NHLRC3: variants seen among roughly 807,000 people sequenced by gnomAD.
The protein encoded by NHLRC3 is NHL repeat containing 3.
Under a neutral mutation model 32.0 loss-of-function variants are expected in NHLRC3, and 23 were observed. The ratio of observed to expected loss-of-function variants is 0.72; its 90% CI spans 0.52 to 1.02. The LOEUF is 1.02. NHLRC3 is among the 50% of genes least tolerant of loss of function. The probability of loss-of-function intolerance (pLI) is 0.00; values close to 1 mark genes in which losing one functional copy is unlikely to be tolerated. For missense variants in NHLRC3, 407 were observed against 406.8 expected (o/e 1.00, Z -0.01); for synonymous variants, 159 against 147.9 (o/e 1.08, Z -0.55).
chr13:39,047,092 C>T lies in NHLRC3; in HGVS notation c.731C>T (p.Thr244Ile). 6.2e-7 allele frequency: 1 copy of T among 1,613,274 alleles called. No homozygotes were observed. Among genetic ancestry groups the T allele is most frequent in the Non-Finnish European group, 8.5e-7 (1 of 1,179,478 alleles). Residue 244 changes from threonine (T) to isoleucine (I), a missense_variant, in exon 6 of 7, where the codon ACT becomes ATT. Coordinates refer to ENST00000379600, the MANE Select transcript of NHLRC3 (RefSeq NM_001012754.4). ...NKRIQVFDKDTGEWLGAWNNC... is the reference protein window; with the variant it reads ...NKRIQVFDKDIGEWLGAWNNC... Reference sequence around the variant, plus strand: ...AGAATCCAAGTATTTGATAAAGACACTGGGGAGTGGTTAGGAGCATGGAAT... The same window carrying T: ...AGAATCCAAGTATTTGATAAAGACATTGGGGAGTGGTTAGGAGCATGGAAT...
Position 39,048,718 on chromosome 13 carries a change from C to T in NHLRC3, c.*792C>T, listed in dbSNP as rs1241500242. 1 of 152,114 alleles carries T rather than the reference C, an allele frequency of 6.6e-6. No homozygotes were observed. Among genetic ancestry groups the T allele is most frequent in the Non-Finnish European group, 1.5e-5 (1 of 68,012 alleles). The allele number at this position is 152,114 out of a possible 1,614,324, so 9.4% of individuals were successfully genotyped here. A position where few individuals can be genotyped will look rare whatever the true frequency, so the allele number is the denominator to read the frequency against. On this transcript the variant is annotated 3_prime_UTR_variant, in exon 7 of 7. Transcript: ENST00000379600. The stretch of plus-strand genomic sequence containing the variant: ...TTTAAAGCCCAACTTGGCTTCTGTC[C>T]ATTACCTATAAGATATTTAATGTCA...
chr13:39,039,039 C>G (rs1029910617), intron 1 of NHLRC3, 97 bp from the exon 2 acceptor site: 7 of 963,686 alleles, frequency 7.3e-6, no homozygotes, highest in Non-Finnish European at 1.1e-5. Context: ...GTTGTCAAGG[C>G]ATGCTTAAAA....
intron 2 of NHLRC3, 86 bp downstream of exon 2, chr13:39,039,374 TTA>T (rs1378995193): frequency 8.5e-7 from 1 of 1,183,262 alleles, no homozygotes; most frequent in Non-Finnish European, 1.2e-6. Flanking sequence ...CCATATGCGT[TTA>T]TATCATGCTA....
rs1871839659 is a variant in NHLRC3 at position 39,049,887 on chromosome 13, CAG to C, written c.*1964_*1965del. The C allele has an allele frequency of 1.3e-5, 2 of 152,178 alleles. No homozygotes were observed. The highest frequency in any genetic ancestry group is 1.9e-4 in the East Asian group (1 of 5,196). 9.4% of individuals were successfully genotyped at this position (152,178 alleles called of 1,614,324 possible). A position where few individuals can be genotyped will look rare whatever the true frequency, so the allele number is the denominator to read the frequency against. ...CGTTTTATTTTACTTTGTTTTATAT[CAG>C]AGTCTTATAAAACCTGCTGCAAATA... On this transcript the variant is annotated 3_prime_UTR_variant, in exon 7 of 7. Transcript: ENST00000379600.
At chr13:39,044,232 T>TGGGTGTGG in intron 5 of NHLRC3, 51 bp downstream of exon 5, 4 of 522,468 alleles carry the variant, frequency 7.7e-6, no homozygotes, top group South Asian at 2.3e-5. Flanking sequence ...AATATGTTTG[T>TGGGTGTGG]GTGTGTGTGT....
At chr13:39,043,251 A>G (rs1490735506) in intron 4 of NHLRC3, among the ~76,000 whole-genome samples, 2 of 152,220 alleles carry the variant, frequency 1.3e-5, no homozygotes, top group East Asian at 1.9e-4. Flanking sequence ...AATCTAGGAG[A>G]CAGATTGAAT....
chr13:39,047,231 GT>G, intron 6 of NHLRC3, 79 bp downstream of exon 6: 1 of 767,848 alleles, frequency 1.3e-6, no homozygotes, highest in African/African-American at 1.8e-5. Context: ...CTAGCTGAAA[GT>G]TTAAAATATT....
chr13:39,049,839 A>G lies in NHLRC3; in HGVS notation c.*1913A>G, dbSNP rs1261221224. 2 of 152,260 alleles carry G rather than the reference A, an allele frequency of 1.3e-5. No individual in the cohort carries two copies. The highest frequency in any genetic ancestry group is 4.8e-5 in the African/African-American group (2 of 41,468). The allele number at this position is 152,260 out of a possible 1,614,324, so 9.4% of individuals were successfully genotyped here. ...CTCTTTGAAGCAATTCAGGCTAGGT[A>G]AACCGATTTTGCCATTTCAAAACGT... On this transcript the variant is annotated 3_prime_UTR_variant, in exon 7 of 7. Transcript: ENST00000379600.
chr13:39,039,665 C>T lies in NHLRC3; in HGVS notation c.339C>T (p.Ala113=), dbSNP rs1871375828. The stretch of plus-strand genomic sequence containing the variant: ...ACACACCTCATGGTATATTTGCAGC[C>T]AGTACTCTATATGAACAATCCGTCT... ...TVDTPHGIFA[A]STLYEQSVWI... The change falls in exon 3 of 7, where the codon GCC becomes GCT. Residue 113 remains alanine (A), a synonymous_variant. Transcript: ENST00000379600. The T allele has an allele frequency of 6.2e-7, 1 of 1,612,694 alleles. No homozygotes were observed. Among genetic ancestry groups the T allele is most frequent in the Admixed American group, 1.7e-5 (1 of 59,988 alleles).
chr13:39,038,846 C>A (rs974326181), intron 1 of NHLRC3, 123 bp downstream of exon 1: 22 of 843,264 alleles, frequency 2.6e-5, no homozygotes, highest in Non-Finnish European at 2.6e-5. Context: ...TCAAAGCCTG[C>A]ACCTGGGTCC....
chr13:39,046,297 T>C (rs1038266368), intron 5 of NHLRC3, among the ~76,000 whole-genome samples: 9 of 152,088 alleles, frequency 5.9e-5, no homozygotes, highest in East Asian at 3.9e-4. Context: ...CCAGCCTGGG[T>C]GACAGAGCGA....
chr13:39,046,257 T>A (rs912981393), intron 5 of NHLRC3, among the ~76,000 whole-genome samples: 1 of 152,114 alleles, frequency 6.6e-6, no homozygotes, highest in Admixed American at 6.5e-5. Flanking sequence ...AGGCGGAGCT[T>A]GCAGTGAGCC....
intron 4 of NHLRC3, 79 bp from the exon 5 acceptor site, chr13:39,044,011 T>C (rs1871562282): frequency 9.8e-7 from 1 of 1,020,772 alleles, no homozygotes; most frequent in Non-Finnish European, 1.5e-6. Flanking sequence ...AATAGTTCTT[T>C]GTAACCTGTT....
At chr13:39,044,230 T>TGTGGGTGTGG (rs779866655) in intron 5 of NHLRC3, 49 bp downstream of exon 5, 5 of 279,458 alleles carry the variant, frequency 1.8e-5, no homozygotes, top group African/African-American at 7.7e-5. Flanking sequence ...TGAATATGTT[T>TGTGGGTGTGG]GTGTGTGTGT....
chr13:39,046,189 G>A (rs553573167), intron 5 of NHLRC3, among the ~76,000 whole-genome samples: 2 of 152,242 alleles, frequency 1.3e-5, no homozygotes, highest in South Asian at 4.1e-4. Context: ...GTGGTGGCGG[G>A]CGCCTGTAGT....
At chr13:39,043,357 G>A (rs769377360) in intron 4 of NHLRC3, among the ~76,000 whole-genome samples, 10 of 152,204 alleles carry the variant, frequency 6.6e-5, no homozygotes, top group Non-Finnish European at 1.0e-4. Context: ...TTGGAATCCA[G>A]AAGTTAGAAA....
rs375910845 is a variant in NHLRC3 at position 39,043,794 on chromosome 13, C to T, written c.587-296C>T. Among the ~76,000 whole-genome samples the T allele has an allele frequency of 1.6e-4, 24 of 152,064 alleles. No homozygotes were observed. The East Asian group carries it at 2.9e-3, about 18-fold the overall frequency. On this transcript the variant is annotated intron_variant, in intron 4 of 6. Coordinates refer to ENST00000379600, the MANE Select transcript of NHLRC3 (RefSeq NM_001012754.4). ...GTAACAGATAAGTTGGGAAGGGGAA[C>T]CAGTTTTAGGGAGAGGATGGCATAA...
intron 3 of NHLRC3, 157 bp from the exon 4 acceptor site, chr13:39,041,948 A>G (rs1387320781): frequency 3.7e-6 from 2 of 540,240 alleles, no homozygotes; most frequent in Non-Finnish European, 6.5e-6. Context: ...TAATTTACGA[A>G]GAAGCTATAG....
chr13:39,045,147 AATC>A (rs1871620568), intron 5 of NHLRC3, among the ~76,000 whole-genome samples: 1 of 152,192 alleles, frequency 6.6e-6, no homozygotes, highest in Non-Finnish European at 1.5e-5. Flanking sequence ...TTGGCTTCCT[AATC>A]ATAATTGATT....
Sources: allele counts gnomAD v4.1 joint callset (sites outside exome capture counted in the v4.1 genomes callset), GRCh38; gene constraint gnomAD v4.1.1; transcripts MANE v1.5; gene names NCBI Gene and HGNC (gene_info 2026-07-23, HGNC 2026-07-21).